Variants in PKHD1 observed in about 807,000 individuals in gnomAD.
PKHD1 encodes the protein fibrocystin.
PKHD1 carries 291 observed loss-of-function variants against 412.0 expected under a neutral mutation model. That is an observed-to-expected ratio of 0.71 (90% CI 0.64 to 0.78). The LOEUF (loss-of-function observed/expected upper bound fraction) is 0.78. PKHD1 is among the 30% of genes least tolerant of loss of function. The pLI is 0.00. For synonymous variants in PKHD1, 1,777 were observed against 1,821.5 expected (o/e 0.98, Z 0.62); for missense variants, 4,825 against 4,950.7 (o/e 0.97, Z 0.76).
intron 60 of PKHD1, among the ~76,000 whole-genome samples, chr6:51,691,026 T>C (rs1778090217): frequency 6.6e-6 from 1 of 152,088 alleles, no homozygotes; most frequent in South Asian, 2.1e-4. Flanking sequence ...AAAGAAGACA[T>C]ACATGCAGCC....
At chr6:51,741,099 A>C in intron 60 of PKHD1, 1 of 518,904 alleles carries the variant, frequency 1.9e-6, no homozygotes. Flanking sequence ...GCCATGGTAA[A>C]GAACTGAGAA....
intron 37 of PKHD1, among the ~76,000 whole-genome samples, chr6:51,913,611 C>T (rs550879687): frequency 7.2e-5 from 11 of 152,128 alleles, no homozygotes; most frequent in Admixed American, 3.3e-4. Flanking sequence ...ACCTTTAGCC[C>T]GCAGCAAGTT....
At chr6:51,771,221 CACAT>C (rs150563705) in intron 55 of PKHD1, among the ~76,000 whole-genome samples, 6,586 of 152,000 alleles carry the variant, frequency 0.043, 157 homozygotes, top group South Asian at 0.078. Flanking sequence ...CACACACACA[CACAT>C]GCACATAACC....
chr6:51,947,036 G>T (rs1789563663), intron 36 of PKHD1, among the ~76,000 whole-genome samples: 1 of 152,072 alleles, frequency 6.6e-6, no homozygotes. Context: ...CAAAAGAGTG[G>T]CTATACCTAC....
At chr6:51,883,783 C>G (rs1029773327) in intron 45 of PKHD1, among the ~76,000 whole-genome samples, 2 of 152,034 alleles carry the variant, frequency 1.3e-5, no homozygotes, top group African/African-American at 4.8e-5. Flanking sequence ...AAGCCTGTCC[C>G]CGAAAAAGCA....
chr6:51,996,084 C>A (rs1341769882), intron 35 of PKHD1, among the ~76,000 whole-genome samples: 1 of 151,098 alleles, frequency 6.6e-6, no homozygotes, highest in South Asian at 2.1e-4. Context: ...TGGCTCACTG[C>A]AAGCTCCACC....
At chr6:51,792,925 G>T (rs1359751419) in intron 52 of PKHD1, among the ~76,000 whole-genome samples, 1 of 152,100 alleles carries the variant, frequency 6.6e-6, no homozygotes, top group Non-Finnish European at 1.5e-5. Context: ...ATTATTGTAC[G>T]TGAGGAAGTA....
chr6:51,855,829 C>G, intron 49 of PKHD1, 64 bp downstream of exon 49: 2 of 1,285,872 alleles, frequency 1.6e-6, no homozygotes, highest in Non-Finnish European at 2.3e-6. Context: ...CCCATTATCT[C>G]AAACAAAGAA....
chr6:51,751,127 A>C (rs1466648708), intron 57 of PKHD1, among the ~76,000 whole-genome samples: 2 of 152,192 alleles, frequency 1.3e-5, no homozygotes, highest in Admixed American at 1.3e-4. Context: ...TTTCCTTTTG[A>C]AAATCACTAC....
Position 52,073,448 on chromosome 6 carries a change from C to G in PKHD1, c.527+15G>C. The G allele has an allele frequency of 6.4e-7, 1 of 1,552,800 alleles. No individual in the cohort carries two copies. Among genetic ancestry groups the G allele is most frequent in the Non-Finnish European group, 8.9e-7 (1 of 1,124,392 alleles). ...GTATGTAACTAGTTAAACACAAAAA[C>G]AAACACACACTTACCTATCAATGTA... On this transcript the variant is annotated intron_variant, in intron 7 of 66. Transcript: ENST00000371117.
intron 49 of PKHD1, among the ~76,000 whole-genome samples, chr6:51,849,190 A>G (rs971292761): frequency 6.6e-6 from 1 of 152,116 alleles, no homozygotes; most frequent in Admixed American, 6.5e-5. Flanking sequence ...GCTAACGATG[A>G]TGGCTTCTAG....
chr6:51,998,544 A>G (rs1421557928), intron 35 of PKHD1, among the ~76,000 whole-genome samples: 1 of 152,230 alleles, frequency 6.6e-6, no homozygotes, highest in Admixed American at 6.5e-5. Flanking sequence ...TCTCCCATCA[A>G]AGGGAGAACC....
At chr6:51,966,060 CA>C (rs1792753849) in intron 35 of PKHD1, among the ~76,000 whole-genome samples, 1 of 152,162 alleles carries the variant, frequency 6.6e-6, no homozygotes, top group Non-Finnish European at 1.5e-5. Context: ...ATTTTACTTA[CA>C]GTATCACTAA....
At chr6:51,868,518 A>C (rs1295091095) in intron 47 of PKHD1, among the ~76,000 whole-genome samples, 1 of 152,182 alleles carries the variant, frequency 6.6e-6, no homozygotes, top group East Asian at 1.9e-4. Context: ...CCTACAATGC[A>C]CAGGACAATC....
At chr6:51,895,914 C>A (rs1779857610) in intron 43 of PKHD1, among the ~76,000 whole-genome samples, 2 of 152,076 alleles carry the variant, frequency 1.3e-5, no homozygotes, top group Admixed American at 1.3e-4. Context: ...ATGGACGGCA[C>A]CTGGAAAATC....
chr6:51,882,746 A>G (rs1419124881), intron 46 of PKHD1, among the ~76,000 whole-genome samples: 2 of 152,176 alleles, frequency 1.3e-5, no homozygotes, highest in African/African-American at 4.8e-5. Flanking sequence ...ACTTAGGCAC[A>G]TATTAGTGAA....
intron 36 of PKHD1, among the ~76,000 whole-genome samples, chr6:51,950,220 A>AAAAAAAAAAAAAAAAAAATATATATAT: frequency 2.0e-5 from 2 of 98,326 alleles, no homozygotes; most frequent in African/African-American, 7.6e-5. Context: ...GAAAAAAAAA[A>AAAAAAAAAAAAAAAAAAATATATATAT]ATATATATAT....
Position 52,055,737 on chromosome 6 carries a change from C to A in PKHD1, c.1694-8G>T, listed in dbSNP as rs2128207729. The A allele has an allele frequency of 6.2e-7, 1 of 1,613,540 alleles. No individual in the cohort carries two copies. The highest frequency in any genetic ancestry group is 8.5e-7 in the Non-Finnish European group (1 of 1,179,626). ...AGTTGGAAACTTCTGGGCCTGGATG[C>A]AGTTCAGATAAAATAGAAAGGCAGG... is the stretch of plus-strand genomic sequence containing the variant. On this transcript the variant is annotated splice_polypyrimidine_tract_variant and splice_region_variant and intron_variant, in intron 18 of 66. Coordinates refer to ENST00000371117, the MANE Select transcript of PKHD1 (RefSeq NM_138694.4).
At chr6:51,633,136 C>T (rs533470099) in intron 64 of PKHD1, among the ~76,000 whole-genome samples, 1 of 152,108 alleles carries the variant, frequency 6.6e-6, no homozygotes, top group African/African-American at 2.4e-5. Flanking sequence ...TATAACACAT[C>T]AAAACAGGGG....
Sources: gnomAD v4.1 joint callset for allele counts (sites outside exome capture counted in the v4.1 genomes callset) on GRCh38, gnomAD v4.1.1 for gene constraint, MANE v1.5 for transcripts, NCBI Gene and HGNC (gene_info 2026-07-23, HGNC 2026-07-21) for gene names.